RYR3: variants seen among roughly 807,000 people sequenced by gnomAD.
The protein encoded by RYR3 is ryanodine receptor 3.
In RYR3, 207 loss-of-function variants were observed where a neutral mutation model predicts 584.3. The observed-to-expected ratio is 0.35, with a 90% CI of 0.32 to 0.40. RYR3 has a LOEUF of 0.40. Among genes scored for constraint, RYR3 ranks in the 10% least tolerant of loss-of-function variants. The pLI is 1.00. For synonymous variants in RYR3, 2,416 were observed against 2,248.5 expected (o/e 1.07, Z -2.11); for missense variants, 5,616 against 6,089.2 (o/e 0.92, Z 2.59).
At chr15:33,446,952 T>C (rs1265955203) in intron 1 of RYR3, among the ~76,000 whole-genome samples, 1 of 152,220 alleles carries the variant, frequency 6.6e-6, no homozygotes, top group Non-Finnish European at 1.5e-5. Context: ...TTCCTGCTCT[T>C]TCCCCAACAA....
intron 2 of RYR3, among the ~76,000 whole-genome samples, chr15:33,486,704 A>G (rs764712880): frequency 6.6e-6 from 1 of 152,202 alleles, no homozygotes; most frequent in Non-Finnish European, 1.5e-5. Context: ...TCTTAGAGTT[A>G]ACAGTTTGTA....
rs531960926 is a variant in RYR3, at chr15:33,451,107, T to G, written c.52-22312T>G. 3.3e-5 allele frequency among the ~76,000 whole-genome samples: 5 copies of G among 152,320 alleles called. No homozygotes were observed. The South Asian group carries it at 1.0e-3, about 32-fold the overall frequency. ...GGTAAATGACAGATAGTCTGAACCTTATTAGTTTTCTCACATGTAAAATGC... is the reference window on the plus strand; with the variant it reads ...GGTAAATGACAGATAGTCTGAACCTGATTAGTTTTCTCACATGTAAAATGC... On this transcript the variant is annotated intron_variant, in intron 1 of 103. Coordinates refer to ENST00000634891, the MANE Select transcript of RYR3 (RefSeq NM_001036.6).
chr15:33,535,794 A>C (rs2055278379), intron 5 of RYR3, among the ~76,000 whole-genome samples: 1 of 152,220 alleles, frequency 6.6e-6, no homozygotes, highest in Admixed American at 6.5e-5. Context: ...TTTTAAACTG[A>C]TGAAATTCAC....
At chr15:33,525,989 G>A (rs2596220) in intron 3 of RYR3, among the ~76,000 whole-genome samples, 56,695 of 152,002 alleles carry the variant, frequency 0.37, 10,892 homozygotes, top group Admixed American at 0.47. Context: ...CTAGGAATAT[G>A]ACCTTCCAAA....
chr15:33,732,516 G>A (rs1407846887), intron 48 of RYR3, among the ~76,000 whole-genome samples: 1 of 152,154 alleles, frequency 6.6e-6, no homozygotes, highest in Non-Finnish European at 1.5e-5. Flanking sequence ...ATCAGAGCCA[G>A]CTGAGGACAA....
At chr15:33,518,622 G>A (rs964790147) in intron 3 of RYR3, among the ~76,000 whole-genome samples, 2 of 152,116 alleles carry the variant, frequency 1.3e-5, no homozygotes, top group Non-Finnish European at 2.9e-5. Flanking sequence ...TTTGCTCCCC[G>A]CACAATGGGA....
At chr15:33,424,403 T>C (rs1222732597) in intron 1 of RYR3, among the ~76,000 whole-genome samples, 2 of 152,234 alleles carry the variant, frequency 1.3e-5, no homozygotes, top group Non-Finnish European at 2.9e-5. Context: ...AACCTGATTA[T>C]GGAACTTCTC....
intron 1 of RYR3, among the ~76,000 whole-genome samples, chr15:33,353,996 G>A (rs1447121249): frequency 6.6e-6 from 1 of 152,194 alleles, no homozygotes; most frequent in Non-Finnish European, 1.5e-5. Context: ...TGATTTATCT[G>A]ACGGCTGCCC....
At chr15:33,600,083 C>G (rs577886388) in intron 16 of RYR3, among the ~76,000 whole-genome samples, 1 of 152,288 alleles carries the variant, frequency 6.6e-6, no homozygotes, top group Admixed American at 6.5e-5. Flanking sequence ...CTCTGGATTT[C>G]AAGTTTCCAC....
chr15:33,859,218 C>T (rs1371375536), intron 99 of RYR3: 1 of 200,756 alleles, frequency 5.0e-6, no homozygotes, highest in East Asian at 1.2e-4. Flanking sequence ...CAGTTTATAG[C>T]ACAGCCTGAA....
chr15:33,371,405 C>G (rs2040321986), intron 1 of RYR3, among the ~76,000 whole-genome samples: 1 of 152,216 alleles, frequency 6.6e-6, no homozygotes, highest in South Asian at 2.1e-4. Flanking sequence ...GTTAGTAGCA[C>G]AGAAACATTT....
At chr15:33,608,670 A>G (rs1489720945) in intron 18 of RYR3, among the ~76,000 whole-genome samples, 1 of 152,192 alleles carries the variant, frequency 6.6e-6, no homozygotes, top group Non-Finnish European at 1.5e-5. Context: ...ATTTCTAGAT[A>G]ATATTAGTCC....
rs1025721050 is a variant in RYR3 at position 33,673,701 on chromosome 15, T to C, written c.5860+3145T>C. On this transcript the variant is annotated intron_variant, in intron 38 of 103. Transcript: ENST00000634891. ...CATCTATTTCTCCTAAATTCTAAAA[T>C]TAACAAAATAAAAACCATCTGTCAA... 2.0e-5 allele frequency among the ~76,000 whole-genome samples: 3 copies of C among 152,216 alleles called. No homozygotes were observed. The East Asian group carries it at 5.8e-4, about 29-fold the overall frequency.
chr15:33,614,128 TAATAA>T (rs1477403770), intron 19 of RYR3, among the ~76,000 whole-genome samples: 1 of 152,246 alleles, frequency 6.6e-6, no homozygotes, highest in African/African-American at 2.4e-5. Flanking sequence ...ACTCATTTTG[TAATAA>T]AATCTAACCT....
At chr15:33,829,366 A>G (rs908812078) in intron 85 of RYR3, among the ~76,000 whole-genome samples, 7 of 152,200 alleles carry the variant, frequency 4.6e-5, no homozygotes, top group African/African-American at 1.4e-4. Flanking sequence ...GTAAGGCTAC[A>G]GCTGCTACAG....
At chr15:33,805,986 C>T (rs1170867849) in intron 69 of RYR3, among the ~76,000 whole-genome samples, 1 of 151,778 alleles carries the variant, frequency 6.6e-6, no homozygotes, top group Non-Finnish European at 1.5e-5. Context: ...CCATTTCTTC[C>T]TTCCCTCCTG....
chr15:33,789,115 C>T lies in RYR3; in HGVS notation c.9830+657C>T, dbSNP rs560543488. On this transcript the variant is annotated intron_variant, in intron 67 of 103. Transcript: ENST00000634891. ...TGGTGCAGGCACCAAGAAAAAAGTG[C>T]GTTTGGGATGTTCAAGGGACCAAAA... 1.0e-3 allele frequency among the ~76,000 whole-genome samples: 156 copies of T among 151,156 alleles called. 1 individual carries two copies. The highest frequency in any genetic ancestry group is 2.5e-3 in the South Asian group (12 of 4,758).
intron 80 of RYR3, 105 bp from the exon 81 acceptor site, chr15:33,822,891 G>A (rs2077184013): frequency 1.3e-6 from 1 of 798,322 alleles, no homozygotes; most frequent in African/African-American, 1.7e-5. Context: ...CATAAGCAGA[G>A]CGTCCAACTC....
intron 15 of RYR3, 36 bp downstream of exon 15, chr15:33,584,526 G>A (rs780199863): frequency 8.3e-6 from 8 of 959,848 alleles, no homozygotes; most frequent in Non-Finnish European, 1.1e-5. Context: ...TAGAAAAGAT[G>A]AAGGGTTTTT....
Sources: gnomAD v4.1 joint callset for allele counts (sites outside exome capture counted in the v4.1 genomes callset) on GRCh38, gnomAD v4.1.1 for gene constraint, MANE v1.5 for transcripts, NCBI Gene and HGNC (gene_info 2026-07-23, HGNC 2026-07-21) for gene names.